The following LRRC17 variants were observed in gnomAD, a reference collection of about 807,000 sequenced individuals.
LRRC17 encodes the protein leucine rich repeat containing 17, also known as leucine-rich repeat-containing protein 17.
LRRC17 carries 33 observed loss-of-function variants against 41.5 expected under a neutral mutation model. The ratio of observed to expected loss-of-function variants is 0.80; its 90% CI spans 0.60 to 1.06. The LOEUF (loss-of-function observed/expected upper bound fraction) is 1.06. Among genes scored for constraint, LRRC17 ranks in the 50% least tolerant of loss-of-function variants. The pLI, the probability that LRRC17 is intolerant of heterozygous loss-of-function variation, is 0.00. For missense variants in LRRC17, 491 were observed against 519.3 expected (o/e 0.95, Z 0.53); for synonymous variants, 192 against 197.0 (o/e 0.97, Z 0.21).
At chr7:102,927,538 C>A (rs1818357342) in intron 1 of LRRC17, among the ~76,000 whole-genome samples, 1 of 152,148 alleles carries the variant, frequency 6.6e-6, no homozygotes, top group Non-Finnish European at 1.5e-5. Flanking sequence ...TCCTGCAGGT[C>A]AGAGCATCTG....
intron 2 of LRRC17, 55 bp downstream of exon 2, chr7:102,934,740 A>C (rs1819960447): frequency 7.1e-7 from 1 of 1,416,284 alleles, no homozygotes; most frequent in Non-Finnish European, 9.6e-7. Context: ...TGCTCTTTGA[A>C]TCTTATAATC....
chr7:102,944,081 G>A lies in LRRC17; in HGVS notation c.929-129G>A, dbSNP rs181420716. 287 of 720,576 alleles carry A rather than the reference G, an allele frequency of 4.0e-4. 1 individual carries two copies. The highest frequency in any genetic ancestry group is 5.3e-4 in the Non-Finnish European group (247 of 462,086). The allele number at this position is 720,576 out of a possible 1,614,324, so 44.6% of individuals were successfully genotyped here. The stretch of plus-strand genomic sequence containing the variant: ...AGTAAAAGCTCTGAGAAAAAGAAAG[G>A]AAAAGAAATCTCTTTATTTTCAAAG... On this transcript the variant is annotated intron_variant, in intron 3 of 3. Coordinates refer to ENST00000339431, the MANE Select transcript of LRRC17 (RefSeq NM_001031692.3).
intron 2 of LRRC17, among the ~76,000 whole-genome samples, chr7:102,935,282 C>T (rs1216093195): frequency 1.8e-5 from 2 of 110,042 alleles, no homozygotes; most frequent in Admixed American, 2.8e-4. Flanking sequence ...GATGGACTCT[C>T]GCTCTGATGC....
intron 1 of LRRC17, among the ~76,000 whole-genome samples, chr7:102,931,199 G>A (rs1010387965): frequency 1.3e-5 from 2 of 152,200 alleles, no homozygotes; most frequent in Admixed American, 1.3e-4. Flanking sequence ...GAGCAACTTG[G>A]AGCATGCAGG....
In LRRC17 at chr7:102,939,490, A is replaced by G; in HGVS notation, c.833A>G (p.Asn278Ser). 2 of 1,614,060 alleles carry G rather than the reference A, an allele frequency of 1.2e-6. No homozygotes were observed. Among genetic ancestry groups the G allele is most frequent in the African/African-American group, 2.7e-5 (2 of 75,048 alleles). ...PDIVKLDLSY[N>S]KINQLRPKEF... The stretch of plus-strand genomic sequence containing the variant: ...ATTGTTAAACTTGACTTGTCATACA[A>G]TAAAATCAACCAACTTCGACCCAAG... The change falls in exon 3 of 4, where the codon AAT becomes AGT. Residue 278 changes from asparagine (N) to serine (S), a missense_variant. Asn to Ser is a conservative substitution (Grantham distance 46). Transcript: ENST00000339431.
intron 1 of LRRC17, among the ~76,000 whole-genome samples, chr7:102,920,292 A>C (rs1816729136): frequency 6.6e-6 from 1 of 152,250 alleles, no homozygotes; most frequent in African/African-American, 2.4e-5. Context: ...ACAGAGCAAA[A>C]GACAGAAATA....
At chr7:102,938,675 T>A (rs1371212628) in intron 2 of LRRC17, among the ~76,000 whole-genome samples, 3 of 152,232 alleles carry the variant, frequency 2.0e-5, no homozygotes, top group African/African-American at 4.8e-5. Flanking sequence ...TCTGGGGAAA[T>A]GTATATTTAT....
At chr7:102,926,924 A>T (rs1378857652) in intron 1 of LRRC17, among the ~76,000 whole-genome samples, 1 of 152,192 alleles carries the variant, frequency 6.6e-6, no homozygotes, top group Non-Finnish European at 1.5e-5. Context: ...GATTTATGGT[A>T]AGTTTGAGAT....
At chr7:102,936,141 T>C (rs1476495047) in intron 2 of LRRC17, 1 of 151,250 alleles carries the variant, frequency 6.6e-6, no homozygotes, top group Non-Finnish European at 1.5e-5. Context: ...GAACTGTATA[T>C]AATTCAGTGC....
Position 102,933,888 on chromosome 7 carries a change from G to C in LRRC17, c.-26G>C. 1 of 1,568,988 alleles carries C rather than the reference G, an allele frequency of 6.4e-7. No individual in the cohort carries two copies. ...TTCATTGTTCCGTCTGTAACACGAAGTAATTGGGGCCAGCTGGATGTCAGG... is the reference window on the plus strand; with the variant it reads ...TTCATTGTTCCGTCTGTAACACGAACTAATTGGGGCCAGCTGGATGTCAGG... On this transcript the variant is annotated 5_prime_UTR_variant, in exon 2 of 4. Coordinates refer to ENST00000339431, the MANE Select transcript of LRRC17 (RefSeq NM_001031692.3).
Position 102,944,763 on chromosome 7 carries a change from G to C in LRRC17, c.*156G>C. ...TATAAGTATTATTGTGACTATTATAGTAATCAAGAGAATGCTATCATCCTG... is the reference window on the plus strand; with the variant it reads ...TATAAGTATTATTGTGACTATTATACTAATCAAGAGAATGCTATCATCCTG... On this transcript the variant is annotated 3_prime_UTR_variant, in exon 4 of 4. Transcript: ENST00000339431. The C allele has an allele frequency of 1.5e-6, 1 of 649,486 alleles. No homozygotes were observed. Among genetic ancestry groups the C allele is most frequent in the Non-Finnish European group, 2.5e-6 (1 of 401,532 alleles). 40.2% of individuals were successfully genotyped at this position (649,486 alleles called of 1,614,324 possible).
Position 102,926,186 on chromosome 7 carries a change from G to A in LRRC17, c.-140-7588G>A, listed in dbSNP as rs78166783. 910 of 1,053,210 alleles carry A rather than the reference G, an allele frequency of 8.6e-4. 6 individuals are homozygous for A. The African/African-American group carries it at 0.013, about 16-fold the overall frequency. The allele number at this position is 1,053,210 out of a possible 1,614,324, so 65.2% of individuals were successfully genotyped here. On this transcript the variant is annotated intron_variant, in intron 1 of 3. Coordinates refer to ENST00000339431, the MANE Select transcript of LRRC17 (RefSeq NM_001031692.3). ...CACAGTGGTGGGGTGTTGATAAAGG[G>A]AGCACTGCCCTTGCAGAATGCTAGA...
intron 1 of LRRC17, 155 bp downstream of exon 1, chr7:102,913,300 T>C: frequency 3.3e-6 from 5 of 1,537,170 alleles, no homozygotes; most frequent in Non-Finnish European, 4.4e-6. Flanking sequence ...CAAAGAAAAC[T>C]GTAAATTCAA....
At chr7:102,932,703 T>C (rs1819454737) in intron 1 of LRRC17, among the ~76,000 whole-genome samples, 1 of 152,114 alleles carries the variant, frequency 6.6e-6, no homozygotes, top group South Asian at 2.1e-4. Flanking sequence ...CAGGCGATCC[T>C]TTCACTTCAG....
intron 2 of LRRC17, among the ~76,000 whole-genome samples, chr7:102,935,789 G>A (rs1463904836): frequency 6.6e-6 from 1 of 152,148 alleles, no homozygotes; most frequent in African/African-American, 2.4e-5. Flanking sequence ...TAATATTAAA[G>A]CCAGATGTCA....
chr7:102,916,937 A>G (rs1477030019), intron 1 of LRRC17, among the ~76,000 whole-genome samples: 3 of 151,960 alleles, frequency 2.0e-5, no homozygotes, highest in Non-Finnish European at 4.4e-5. Context: ...TAAAGAATTG[A>G]AGTCATTTGT....
At chr7:102,931,893 G>A in intron 1 of LRRC17, 1 of 1,613,322 alleles carries the variant, frequency 6.2e-7, no homozygotes, top group Non-Finnish European at 8.5e-7. Flanking sequence ...TGAATGTTGG[G>A]CAGTCAGAGA....
At position 102,944,563 on chromosome 7, in the gene LRRC17, C is replaced by T. The variant is rs767593749; in HGVS notation, c.1282C>T (p.His428Tyr). ...TGAATGGGAAAAAAAACATAGAGAT[C>T]ACACCGCAAAGAAGCAAAGCGTAAT... ...DDEWEKKHRD[H>Y]TAKKQSVIIT... Residue 428 changes from histidine (H) to tyrosine (Y), a missense_variant, in exon 4 of 4, where the codon CAC (histidine) becomes TAC (tyrosine). By Grantham distance (83) the His-to-Tyr change is moderately conservative (BLOSUM62 2). Coordinates refer to ENST00000339431, the MANE Select transcript of LRRC17 (RefSeq NM_001031692.3). The T allele has an allele frequency of 7.4e-6, 12 of 1,612,270 alleles. No homozygotes were observed. In the South Asian group the frequency reaches 1.2e-4, roughly 16 times the overall value.
At chr7:102,927,914 G>A (rs548983478) in intron 1 of LRRC17, among the ~76,000 whole-genome samples, 4 of 152,352 alleles carry the variant, frequency 2.6e-5, no homozygotes, top group African/African-American at 9.6e-5. Flanking sequence ...AAGTATCAAA[G>A]TGATTATACA....
Sources: allele counts gnomAD v4.1 joint callset (sites outside exome capture counted in the v4.1 genomes callset), GRCh38; gene constraint gnomAD v4.1.1; transcripts MANE v1.5; gene names NCBI Gene and HGNC (gene_info 2026-07-23, HGNC 2026-07-21).